Variants in SYT6 observed in about 807,000 individuals in gnomAD.
SYT6 encodes synaptotagmin-6.
In SYT6, 24 loss-of-function variants were observed where a neutral mutation model predicts 38.4. The ratio of observed to expected loss-of-function variants is 0.62; its 90% confidence interval spans 0.45 to 0.88. SYT6 has a LOEUF of 0.88. SYT6 is among the 40% of genes least tolerant of loss of function. The probability of loss-of-function intolerance (pLI) is 0.00; values close to 1 mark genes in which losing one functional copy is unlikely to be tolerated. For missense variants in SYT6, 611 were observed against 621.0 expected, an observed-to-expected ratio of 0.98 and a Z score of 0.17; for synonymous variants, 265 against 241.9, an observed-to-expected ratio of 1.10 and a Z score of -0.89.
At chr1:114,140,802 C>T (rs960278593) in intron 1 of SYT6, among the ~76,000 whole-genome samples, 14 of 152,238 alleles carry the variant, frequency 9.2e-5, no homozygotes, top group African/African-American at 3.4e-4. Flanking sequence ...AGTTTTCCAA[C>T]AGCATGTGCA....
At chr1:114,127,827 G>T (rs1677833912) in intron 3 of SYT6, among the ~76,000 whole-genome samples, 1 of 152,224 alleles carries the variant, frequency 6.6e-6, no homozygotes, top group Non-Finnish European at 1.5e-5. Context: ...CAAGGGAGGG[G>T]GTGCCAGAGA....
chr1:114,145,500 A>G (rs1443881766), intron 1 of SYT6, among the ~76,000 whole-genome samples: 4 of 123,716 alleles, frequency 3.2e-5, no homozygotes, highest in Admixed American at 1.8e-4. Context: ...TGGAGGTATT[A>G]AGTTTTTTTT....
rs141999457 is a variant in SYT6 at position 114,111,263 on chromosome 1, T to C, written c.1072-7542A>G. Among the ~76,000 whole-genome samples the C allele has an allele frequency of 1.6e-3, 243 of 152,340 alleles. 1 individual carries two copies. The highest frequency in any genetic ancestry group is 3.1e-3 in the Non-Finnish European group (213 of 68,032). ...TGTGCTGTCCTGCCCTAAGTGCTTA[T>C]ACGTATGATGTCATATAATCTTCAC... On this transcript the variant is annotated intron_variant, in intron 3 of 7. Coordinates refer to ENST00000610222, the MANE Select transcript of SYT6 (RefSeq NM_001253772.2).
At chr1:114,121,442 A>G (rs773887992) in intron 3 of SYT6, among the ~76,000 whole-genome samples, 3 of 152,140 alleles carry the variant, frequency 2.0e-5, no homozygotes, top group Non-Finnish European at 4.4e-5. Flanking sequence ...CACAGCCTCC[A>G]TGGTAGTCCT....
At chr1:114,141,093 C>CT (rs559070268) in intron 1 of SYT6, among the ~76,000 whole-genome samples, 136 of 152,304 alleles carry the variant, frequency 8.9e-4, no homozygotes, top group African/African-American at 3.2e-3. Context: ...GATAACCTTA[C>CT]TTTGACTTCT....
At chr1:114,128,724 C>A (rs1341644180) in intron 3 of SYT6, among the ~76,000 whole-genome samples, 1 of 152,230 alleles carries the variant, frequency 6.6e-6, no homozygotes, top group Admixed American at 6.5e-5. Context: ...TCTGGAAACA[C>A]TTCCTTTGTT....
chr1:114,124,946 T>C (rs1224695056), intron 3 of SYT6, among the ~76,000 whole-genome samples: 1 of 152,188 alleles, frequency 6.6e-6, no homozygotes, highest in East Asian at 1.9e-4. Context: ...GGGTGAGGAA[T>C]GAATAAACAA....
chr1:114,152,440 T>C (rs1679490756), intron 1 of SYT6: 1 of 152,404 alleles, frequency 6.6e-6, no homozygotes, highest in Non-Finnish European at 1.5e-5. Flanking sequence ...TCCTGGTCCT[T>C]GCAGGATCTC....
At chr1:114,137,108 G>A (rs1678525169) in intron 3 of SYT6, among the ~76,000 whole-genome samples, 1 of 152,218 alleles carries the variant, frequency 6.6e-6, no homozygotes, top group Admixed American at 6.5e-5. Flanking sequence ...AACTTTGGTT[G>A]TCTAAAGCCA....
intron 3 of SYT6, among the ~76,000 whole-genome samples, chr1:114,109,516 C>T (rs577675564): frequency 6.6e-6 from 1 of 152,348 alleles, no homozygotes; most frequent in East Asian, 1.9e-4. Context: ...AACCTGTACA[C>T]TGTACAGTGG....
chr1:114,146,481 A>G (rs1679161145), intron 1 of SYT6, among the ~76,000 whole-genome samples: 1 of 152,104 alleles, frequency 6.6e-6, no homozygotes, highest in South Asian at 2.1e-4. Context: ...AGCCTTCAAA[A>G]CCCTTTTCCC....
rs193198779 is a variant in SYT6 at position 114,109,484 on chromosome 1, C to A, written c.1072-5763G>T. Among the ~76,000 whole-genome samples the A allele has an allele frequency of 3.3e-4, 50 of 152,298 alleles. 1 individual carries two copies. In the East Asian group the frequency reaches 9.4e-3, roughly 29 times the overall value. ...TAAGAGAGTAGTATGGCTTACTTAACCTTTCATAATCTTGGCTTCCTAACC... is the reference window on the plus strand; with the variant it reads ...TAAGAGAGTAGTATGGCTTACTTAAACTTTCATAATCTTGGCTTCCTAACC... On this transcript the variant is annotated intron_variant, in intron 3 of 7. Coordinates refer to ENST00000610222, the MANE Select transcript of SYT6 (RefSeq NM_001253772.2).
intron 3 of SYT6, among the ~76,000 whole-genome samples, chr1:114,112,421 A>C (rs574639025): frequency 1.3e-5 from 2 of 152,350 alleles, no homozygotes; most frequent in East Asian, 3.9e-4. Context: ...CCCTTCGTGA[A>C]CCTGCCCTTG....
At chr1:114,092,774 G>A (rs1479205960) in intron 7 of SYT6, among the ~76,000 whole-genome samples, 2 of 152,210 alleles carry the variant, frequency 1.3e-5, no homozygotes, top group Non-Finnish European at 2.9e-5. Context: ...CAGGGCTGAG[G>A]CTGGGTGGAC....
chr1:114,115,133 T>C (rs1199819293), intron 3 of SYT6, among the ~76,000 whole-genome samples: 1 of 152,214 alleles, frequency 6.6e-6, no homozygotes, highest in Non-Finnish European at 1.5e-5. Flanking sequence ...AAGATCAGCA[T>C]CACTTGGAAC....
At position 114,090,535 on chromosome 1, in the gene SYT6, G is replaced by A. The variant is rs1009687862; in HGVS notation, c.*1599C>T. On this transcript the variant is annotated 3_prime_UTR_variant, in exon 8 of 8. Coordinates refer to ENST00000610222, the MANE Select transcript of SYT6 (RefSeq NM_001253772.2). ...TAAAATGAGGGATACTTTATTGGTC[G>A]CTGCTCCTCTACCATGTAGCATATA... 2.0e-5 allele frequency: 3 copies of A among 152,346 alleles called. No individual in the cohort carries two copies. The highest frequency in any genetic ancestry group is 7.2e-5 in the African/African-American group (3 of 41,436). The allele number at this position is 152,346 out of a possible 1,614,324, so 9.4% of individuals were successfully genotyped here. A position where few individuals can be genotyped will look rare whatever the true frequency, so the allele number is the denominator to read the frequency against.
intron 3 of SYT6, among the ~76,000 whole-genome samples, chr1:114,116,737 A>T (rs1239300735): frequency 6.6e-6 from 1 of 152,206 alleles, no homozygotes; most frequent in Admixed American, 6.5e-5. Flanking sequence ...GACCACATTC[A>T]GCTTAACAAT....
intron 7 of SYT6, among the ~76,000 whole-genome samples, 154 bp downstream of exon 7, chr1:114,093,581 A>G (rs948706614): frequency 3.3e-5 from 5 of 152,226 alleles, no homozygotes; most frequent in Non-Finnish European, 5.9e-5. Context: ...AGCTAGGGGC[A>G]GAGCCAGAAC....
chr1:114,135,606 C>T (rs978821815), intron 3 of SYT6, among the ~76,000 whole-genome samples: 5 of 152,134 alleles, frequency 3.3e-5, no homozygotes, highest in Admixed American at 2.6e-4. Context: ...GGGACAAGGG[C>T]AGGACAGCCA....
Sources: allele counts gnomAD v4.1 joint callset (sites outside exome capture counted in the v4.1 genomes callset), GRCh38; gene constraint gnomAD v4.1.1; transcripts MANE v1.5; gene names NCBI Gene and HGNC (gene_info 2026-07-23, HGNC 2026-07-21).